PLXNB2: variants seen among roughly 807,000 people sequenced by gnomAD.
PLXNB2 encodes plexin-B2.
PLXNB2 carries 85 observed loss-of-function variants against 202.6 expected under a neutral mutation model. That is an observed-to-expected ratio of 0.42 (90% confidence interval 0.35 to 0.50). PLXNB2 has a LOEUF of 0.50. PLXNB2 is among the 20% of genes least tolerant of loss of function. The pLI is 0.02. For missense variants in PLXNB2, 2,063 were observed against 2,586.2 expected (o/e 0.80, Z 4.39); for synonymous variants, 1,239 against 1,137.6 (o/e 1.09, Z -1.79).
chr22:50,298,722 T>C (rs1284215542), intron 1 of PLXNB2, among the ~76,000 whole-genome samples: 1 of 152,218 alleles, frequency 6.6e-6, no homozygotes, highest in African/African-American at 2.4e-5. Flanking sequence ...CTTGGCTCAC[T>C]GCAACCCCTG....
At position 50,301,556 on chromosome 22, in the gene PLXNB2, C is replaced by T. The variant is rs141344216; in HGVS notation, c.-74+5997G>A. 3.1e-3 allele frequency: 669 copies of T among 213,324 alleles called. 6 individuals carry two copies. Among genetic ancestry groups the T allele is most frequent in the African/African-American group, 0.015 (648 of 42,564 alleles). The allele number at this position is 213,324 out of a possible 1,614,324, so 13.2% of individuals were successfully genotyped here. On this transcript the variant is annotated intron_variant, in intron 1 of 36. Coordinates refer to ENST00000359337, the MANE Select transcript of PLXNB2 (RefSeq NM_012401.4). ...TCCTGAAAGGAGGCCTCCCGGCCCG[C>T]CGGTGCCCAGCCCCACCTGCAGGCT...
Position 50,289,630 on chromosome 22 carries a change from C to T in PLXNB2, c.955G>A (p.Val319Met), listed in dbSNP as rs1442300968. ...CGGTTGGCCTCCATCTTGGCGTGCA[C>T]CTTGTCCAGCGGGAACAGGCAGAGG... ...AGLCLFPLDK[V>M]HAKMEANRNA... The change falls in exon 3 of 37, where the codon GTG becomes ATG. Residue 319 changes from valine (V) to methionine (M), a missense_variant. By Grantham distance (21) the Val-to-Met change is conservative (BLOSUM62 1). Coordinates refer to ENST00000359337, the MANE Select transcript of PLXNB2 (RefSeq NM_012401.4). The surrounding 1 kb of genome is among the most constrained non-coding windows in gnomAD (Gnocchi z 8.0). 2.5e-6 allele frequency: 4 copies of T among 1,610,050 alleles called. No individual in the cohort carries two copies. The East Asian group carries it at 8.9e-5, about 36-fold the overall frequency.
At position 50,289,179 on chromosome 22, in the gene PLXNB2, C is replaced by CT. The variant is rs2066688055; in HGVS notation, c.1069-38dup. 6.6e-7 allele frequency: 1 copy of CT among 1,509,388 alleles called. No homozygotes were observed. The highest frequency in any genetic ancestry group is 8.9e-7 in the Non-Finnish European group (1 of 1,128,312). The allele number at this position is 1,509,388 out of a possible 1,614,324, so 93.5% of individuals were successfully genotyped here. A position where few individuals can be genotyped will look rare whatever the true frequency, so the allele number is the denominator to read the frequency against. On this transcript the variant is annotated intron_variant, in intron 3 of 36. Transcript: ENST00000359337. This position sits in a 1 kb window ranked among gnomAD's most constrained non-coding sequence, Gnocchi z 8.0. ...AGCGTGTCAATGGCAGGCAGACCCC[C>CT]TGTCCTGAAGGGCCCTCTCCACTCG...
At chr22:50,283,522 CCCCA>C in intron 15 of PLXNB2, 76 bp downstream of exon 15, 2 of 1,404,286 alleles carry the variant, frequency 1.4e-6, no homozygotes, top group Non-Finnish European at 2.0e-6. Context: ...CCCTCAGCCT[CCCCA>C]CCCACCCAGT....
Position 50,287,139 on chromosome 22 carries a change from G to C in PLXNB2, c.1734C>G (p.Ser578Arg). Residue 578 changes from serine (S) to arginine (R), a missense_variant, in exon 8 of 37, where the codon AGC (serine) becomes AGG (arginine). Around this residue, in one of 2 missense-constraint regions of PLXNB2, gnomAD observed 1,303 missense variants for 1,476.8 expected, o/e 0.88. Coordinates refer to ENST00000359337, the MANE Select transcript of PLXNB2 (RefSeq NM_012401.4). The stretch of plus-strand genomic sequence containing the variant: ...GGCCTGGCGGTGTGACGGGGATGCT[G>C]CTTGGGGAGTTGCAGATGACGGCCT... ...EGEAVICNSP[S>R]SIPVTPPGQD... The C allele has an allele frequency of 6.5e-7, 1 of 1,540,060 alleles. No individual in the cohort carries two copies. The highest frequency in any genetic ancestry group is 1.2e-5 in the South Asian group (1 of 82,782).
At chr22:50,300,153 G>T in intron 1 of PLXNB2, 1 of 586,666 alleles carries the variant, frequency 1.7e-6, no homozygotes, top group Non-Finnish European at 2.1e-6. Flanking sequence ...CCGCCTCTGG[G>T]ACAAACCTCA....
At chr22:50,287,643 C>A (rs767643372) in intron 7 of PLXNB2, 24 bp downstream of exon 7, 8 of 1,530,358 alleles carry the variant, frequency 5.2e-6, no homozygotes, top group Middle Eastern at 2.3e-4. Flanking sequence ...GGCCCAGGAC[C>A]CCCACCCCAG....
intron 1 of PLXNB2, among the ~76,000 whole-genome samples, chr22:50,299,036 C>T (rs1238764276): frequency 6.6e-6 from 1 of 152,234 alleles, no homozygotes; most frequent in Non-Finnish European, 1.5e-5. Context: ...TGCTCTTGGC[C>T]AGGCCAGGCT....
chr22:50,289,475 G>A lies in PLXNB2; in HGVS notation c.1068+42C>T, dbSNP rs769013574. 5.8e-6 allele frequency: 9 copies of A among 1,539,068 alleles called. No individual in the cohort carries two copies. Among genetic ancestry groups the A allele is most frequent in the Middle Eastern group, 1.9e-4 (1 of 5,302 alleles). On this transcript the variant is annotated intron_variant, in intron 3 of 36. Coordinates refer to ENST00000359337, the MANE Select transcript of PLXNB2 (RefSeq NM_012401.4). The surrounding 1 kb of genome is among the most constrained non-coding windows in gnomAD (Gnocchi z 8.0). ...GGGACACGCAAACCCACGAACGGAC[G>A]CCTGCAGTCCGGGCCCTGCGAGAAC...
In PLXNB2 at chr22:50,281,846, G is replaced by A. The variant is rs778468456; in HGVS notation, c.3345+8C>T. The A allele has an allele frequency of 1.8e-5, 29 of 1,609,652 alleles. No individual in the cohort carries two copies. The highest frequency in any genetic ancestry group is 2.2e-5 in the Non-Finnish European group (26 of 1,178,240). On this transcript the variant is annotated splice_region_variant and intron_variant, in intron 20 of 36. Coordinates refer to ENST00000359337, the MANE Select transcript of PLXNB2 (RefSeq NM_012401.4). ...GGACCCAGACACCCGGGGCTGCACC[G>A]TCCTCACCCGGGCGTGGATGAGCTT...
rs200118373 is a variant in PLXNB2 at position 50,282,748 on chromosome 22, C to T, written c.2950G>A (p.Val984Ile). 124 of 1,611,270 alleles carry T rather than the reference C, an allele frequency of 7.7e-5. No homozygotes were observed. The highest frequency in any genetic ancestry group is 5.2e-4 in the African/African-American group (39 of 74,982). ...GIFFTYRENPVLRAFEPLRSF... is the reference protein window; with the variant it reads ...GIFFTYRENPILRAFEPLRSF... ...CGTAGCGGCTCGAAGGCTCGCAGTA[C>T]GGGGTTTTCGCGGTAGGTGAAGAAG... Residue 984 changes from valine (V) to isoleucine (I), a missense_variant, in exon 18 of 37, where the codon GTA (valine) becomes ATA (isoleucine). By Grantham distance (29) the Val-to-Ile change is conservative. Coordinates refer to ENST00000359337, the MANE Select transcript of PLXNB2 (RefSeq NM_012401.4).
intron 11 of PLXNB2, 61 bp downstream of exon 11, chr22:50,285,739 C>T (rs1220688561): frequency 1.7e-6 from 2 of 1,192,772 alleles, no homozygotes; most frequent in Non-Finnish European, 2.5e-6. Context: ...TGTCACCGGC[C>T]GGCACCCCTC....
chr22:50,287,605 G>A (rs2066552068), intron 7 of PLXNB2, 62 bp downstream of exon 7: 1 of 1,448,014 alleles, frequency 6.9e-7, no homozygotes, highest in African/African-American at 1.4e-5. Flanking sequence ...CTCCCAGCAT[G>A]GGGGAGCCCC....
At chr22:50,301,749 C>A (rs1249126508) in intron 1 of PLXNB2, among the ~76,000 whole-genome samples, 1 of 152,236 alleles carries the variant, frequency 6.6e-6, no homozygotes, top group East Asian at 1.9e-4. Context: ...GGGTGAGGCC[C>A]CAGCCAGTGA....
rs375224978 is a variant in PLXNB2, at chr22:50,284,698, C to A, written c.2089-33G>T. ...CCATGCCGTCAGGACCCTGGACAGG[C>A]GGCTGTGGCACCCTGGCCCTCCTCC... On this transcript the variant is annotated intron_variant, in intron 11 of 36. Coordinates refer to ENST00000359337, the MANE Select transcript of PLXNB2 (RefSeq NM_012401.4). The surrounding 1 kb of genome is among the most constrained non-coding windows in gnomAD (Gnocchi z 8.0). 1 of 1,543,294 alleles carries A rather than the reference C, an allele frequency of 6.5e-7. No homozygotes were observed. The highest frequency in any genetic ancestry group is 1.1e-5 in the South Asian group (1 of 89,578).
In PLXNB2 at chr22:50,277,744, G is replaced by A; in HGVS notation, c.5049-6C>T. 6.3e-7 allele frequency: 1 copy of A among 1,592,240 alleles called. No individual in the cohort carries two copies. The highest frequency in any genetic ancestry group is 8.6e-7 in the Non-Finnish European group (1 of 1,165,226). Reference sequence around the variant, plus strand: ...CCCAGAACCGGAGCGGTAAGCTGAGGCAGAGCAGCAGGGAATGAGAGCCGG... The same window carrying A: ...CCCAGAACCGGAGCGGTAAGCTGAGACAGAGCAGCAGGGAATGAGAGCCGG... On this transcript the variant is annotated splice_region_variant and splice_polypyrimidine_tract_variant and intron_variant, in intron 32 of 36. Transcript: ENST00000359337.
chr22:50,276,784 C>T, intron 34 of PLXNB2, 58 bp downstream of exon 34: 1 of 1,598,620 alleles, frequency 6.3e-7, no homozygotes, highest in Non-Finnish European at 8.6e-7. Flanking sequence ...GCCTGAACCT[C>T]CCCGCAGGGG....
Position 50,283,648 on chromosome 22 carries a change from C to T in PLXNB2, c.2524G>A (p.Gly842Ser), listed in dbSNP as rs200079670. 161 of 1,613,024 alleles carry T rather than the reference C, an allele frequency of 1.0e-4. No homozygotes were observed. The highest frequency in any genetic ancestry group is 1.6e-4 in the Middle Eastern group (1 of 6,082). The part of the protein sequence containing the change: ...AGDIQRISVA[G>S]RNCSFQPERY... ...TCCGGCTGAAAGGAGCAGTTCCGGCCGGCCACAGAGATCCTCTGGATGTCC... is the reference window on the plus strand; with the variant it reads ...TCCGGCTGAAAGGAGCAGTTCCGGCTGGCCACAGAGATCCTCTGGATGTCC... Residue 842 changes from glycine (G) to serine (S), a missense_variant, in exon 15 of 37, where the codon GGC becomes AGC. Transcript: ENST00000359337.
At chr22:50,307,499 C>G (rs574900236) in intron 1 of PLXNB2, 54 bp downstream of exon 1, 37 of 908,450 alleles carry the variant, frequency 4.1e-5, no homozygotes, top group South Asian at 5.1e-5. Context: ...ACGGCGAAGC[C>G]CCCCCCACGC....
Sources: gnomAD v4.1 joint callset for allele counts (sites outside exome capture counted in the v4.1 genomes callset) on GRCh38, gnomAD v4.1.1 for gene constraint, gnomAD v4.1.1 regional missense constraint, Gnocchi (gnomAD v3.1) non-coding constraint, MANE v1.5 for transcripts, NCBI Gene and HGNC (gene_info 2026-07-23, HGNC 2026-07-21) for gene names.